Variants in LY75 observed in about 807,000 individuals in gnomAD.
The protein encoded by LY75 is C-type lectin domain family 13 member B.
LY75 carries 185 observed loss-of-function variants against 231.7 expected under a neutral mutation model. The ratio of observed to expected loss-of-function variants is 0.80; its 90% CI spans 0.71 to 0.90. The LOEUF (loss-of-function observed/expected upper bound fraction) is 0.90. Among genes scored for constraint, LY75 ranks in the 40% least tolerant of loss-of-function variants. The pLI, the probability that LY75 is intolerant of heterozygous loss-of-function variation, is 0.00. For synonymous variants in LY75, 668 were observed against 689.0 expected, an observed-to-expected ratio of 0.97 and a Z score of 0.48; for missense variants, 1,947 against 2,050.2, an observed-to-expected ratio of 0.95 and a Z score of 0.97.
At chr2:159,809,055 T>C (rs975427761) in intron 32 of LY75, among the ~76,000 whole-genome samples, 1 of 152,212 alleles carries the variant, frequency 6.6e-6, no homozygotes, top group East Asian at 1.9e-4. Flanking sequence ...ACATATATCT[T>C]ACAACAGTTT....
chr2:159,881,170 A>G lies in LY75; in HGVS notation c.1317T>C (p.Gly439=). 1 of 1,613,940 alleles carries G rather than the reference A, an allele frequency of 6.2e-7. No homozygotes were observed. The highest frequency in any genetic ancestry group is 8.5e-7 in the Non-Finnish European group (1 of 1,179,904). ...CCCAATATGTTAGAGTAACTTCAGT[A>G]CCATCTGACCACTGAAATAAAGTTG... ...NIPTLFQWSD[G]TEVTLTYWDE... is the part of the protein sequence containing the mutation. The change falls in exon 8 of 35, where the codon GGT becomes GGC. Residue 439 remains glycine, a synonymous_variant. Coordinates refer to ENST00000263636, the MANE Select transcript of LY75 (RefSeq NM_002349.4).
Position 159,834,211 on chromosome 2 carries a change from T to A in LY75, c.3674A>T (p.Asn1225Ile), listed in dbSNP as rs749290533. ...TGGTTTGACCTCTTTTTCAGTCTCA[T>A]CTAGAAAAAGAGTTAATGGTAAGAA... ...QPGAICYYSG[N>I]ETEKEVKPVD... The change falls in exon 27 of 35, where the codon AAT becomes ATT. Residue 1225 changes from asparagine (N) to isoleucine (I), a missense_variant and splice_region_variant. Transcript: ENST00000263636. 5.0e-6 allele frequency: 8 copies of A among 1,613,338 alleles called. No homozygotes were observed. The Admixed American group carries it at 1.3e-4, about 27-fold the overall frequency.
In LY75 at chr2:159,860,897, G is replaced by C. The variant is rs1416767161; in HGVS notation, c.2200-8C>G. On this transcript the variant is annotated splice_region_variant and splice_polypyrimidine_tract_variant and intron_variant, in intron 14 of 34. Transcript: ENST00000263636. ...CATGATAATAGTAGACACCTGAAAAGACAAGAGAGGCTTGAGAATTTAAGA... is the reference window on the plus strand; with the variant it reads ...CATGATAATAGTAGACACCTGAAAACACAAGAGAGGCTTGAGAATTTAAGA... 7 of 1,613,828 alleles carry C rather than the reference G, an allele frequency of 4.3e-6. No homozygotes were observed. Among genetic ancestry groups the C allele is most frequent in the African/African-American group, 1.3e-5 (1 of 75,036 alleles).
intron 13 of LY75, among the ~76,000 whole-genome samples, chr2:159,865,839 AT>A (rs1428138350): frequency 6.6e-6 from 1 of 152,158 alleles, no homozygotes; most frequent in East Asian, 1.9e-4. Flanking sequence ...CACAAGCAAT[AT>A]GGAGGCAGGA....
intron 14 of LY75, among the ~76,000 whole-genome samples, chr2:159,863,583 C>T (rs2125862307): frequency 6.6e-6 from 1 of 152,228 alleles, no homozygotes; most frequent in Non-Finnish European, 1.5e-5. Context: ...TGACTGTTGG[C>T]CATCTGTATG....
At chr2:159,842,422 G>C in intron 23 of LY75, 48 bp from the exon 24 acceptor site, 5 of 1,552,630 alleles carry the variant, frequency 3.2e-6, no homozygotes, top group Non-Finnish European at 3.5e-6. Context: ...ACAATGGTCT[G>C]AAGCTCCTAG....
intron 28 of LY75, among the ~76,000 whole-genome samples, chr2:159,821,971 G>C (rs1026946227): frequency 2.6e-5 from 4 of 152,210 alleles, no homozygotes; most frequent in African/African-American, 9.6e-5. Flanking sequence ...GGGAAGCCAT[G>C]AGGGACTGAG....
At position 159,808,385 on chromosome 2, in the gene LY75, G is replaced by C. The variant is rs1009357307; in HGVS notation, c.4822+64C>G. ...CTACTTAACATTCTTTAGCAAGGAC[G>C]ACTTGTTATTTAGGATGAGTTAGAA... is the stretch of plus-strand genomic sequence containing the variant. On this transcript the variant is annotated intron_variant, in intron 33 of 34. Transcript: ENST00000263636. 5 of 1,609,912 alleles carry C rather than the reference G, an allele frequency of 3.1e-6. No individual in the cohort carries two copies. In the African/African-American group the frequency reaches 6.7e-5, roughly 22 times the overall value.
chr2:159,832,278 G>A (rs1683687611), intron 27 of LY75, among the ~76,000 whole-genome samples: 1 of 152,198 alleles, frequency 6.6e-6, no homozygotes, highest in South Asian at 2.1e-4. Context: ...GCAGGCAAGC[G>A]AGCATCACCG....
chr2:159,834,354 G>C, intron 26 of LY75, 143 bp from the exon 27 acceptor site: 1 of 1,063,394 alleles, frequency 9.4e-7, no homozygotes, highest in Non-Finnish European at 1.3e-6. Context: ...TTTATACTCA[G>C]ATATAGCACA....
chr2:159,849,486 A>G (rs1684314782), intron 23 of LY75, among the ~76,000 whole-genome samples: 1 of 152,182 alleles, frequency 6.6e-6, no homozygotes, highest in African/African-American at 2.4e-5. Context: ...CCCAAAATGT[A>G]AAGCAAAACA....
chr2:159,835,736 A>AT (rs1553802650), intron 25 of LY75, 91 bp from the exon 26 acceptor site: 23 of 1,482,568 alleles, frequency 1.6e-5, no homozygotes, highest in Middle Eastern at 1.7e-4. Flanking sequence ...ATGATTTTTA[A>AT]TTTTTTTAAT....
rs1192029116 is a variant in LY75, at chr2:159,818,620, TTTAG to T, written c.4153+1102_4153+1105del. Among the ~76,000 whole-genome samples, 6 of 152,176 alleles carry T rather than the reference TTTAG, an allele frequency of 3.9e-5. No individual in the cohort carries two copies. In the South Asian group the frequency reaches 1.0e-3, roughly 26 times the overall value. On this transcript the variant is annotated intron_variant, in intron 29 of 34. Transcript: ENST00000263636. The stretch of plus-strand genomic sequence containing the variant: ...ACAGAAATTTGAATAATGTGTGGAC[TTTAG>T]TTAAAGATAATAATGGATAAATATT...
chr2:159,898,867 CT>C lies in LY75; in HGVS notation c.286del (p.Arg96GlufsTer30). The C allele has an allele frequency of 6.2e-7, 1 of 1,614,208 alleles. No individual in the cohort carries two copies. Among genetic ancestry groups the C allele is most frequent in the East Asian group, 2.2e-5 (1 of 44,890 alleles). On this transcript the variant is annotated frameshift_variant, in exon 2 of 35. Transcript: ENST00000263636. LOFTEE classifies it high-confidence loss of function. The stretch of plus-strand genomic sequence containing the variant: ...GGCACTGGAGTCACAGCTGAACATT[CT>C]CAGCTCATTTACCGATTTGGTAATA... ...LDITKSVNEL[R>X]MFSCDSSAML... is the part of the protein sequence containing the mutation.
chr2:159,897,696 G>A (rs1685943710), intron 2 of LY75, among the ~76,000 whole-genome samples: 1 of 152,178 alleles, frequency 6.6e-6, no homozygotes, highest in South Asian at 2.1e-4. Context: ...AGGGAAATTT[G>A]TAAAGAAAGG....
intron 28 of LY75, among the ~76,000 whole-genome samples, chr2:159,830,270 A>G (rs1226404763): frequency 6.6e-6 from 1 of 152,154 alleles, no homozygotes; most frequent in African/African-American, 2.4e-5. Flanking sequence ...AGATTTGAGT[A>G]ATTTAGCTTC....
chr2:159,820,766 T>C (rs1044915611), intron 28 of LY75, among the ~76,000 whole-genome samples: 1 of 152,266 alleles, frequency 6.6e-6, no homozygotes, highest in Non-Finnish European at 1.5e-5. Context: ...ACATGATTGA[T>C]AAGTTATAAA....
intron 23 of LY75, among the ~76,000 whole-genome samples, chr2:159,848,093 T>C (rs1486250230): frequency 2.1e-3 from 59 of 28,526 alleles, no homozygotes; most frequent in African/African-American, 4.0e-3. Context: ...TATATATATA[T>C]ACACACACAC....
intron 11 of LY75, among the ~76,000 whole-genome samples, chr2:159,877,169 A>T (rs1685302738): frequency 6.6e-6 from 1 of 152,172 alleles, no homozygotes; most frequent in African/African-American, 2.4e-5. Context: ...TACTAGCAAC[A>T]TCACTCATGT....
Sources: allele counts gnomAD v4.1 joint callset (sites outside exome capture counted in the v4.1 genomes callset), GRCh38; gene constraint gnomAD v4.1.1; transcripts MANE v1.5; gene names NCBI Gene and HGNC (gene_info 2026-07-23, HGNC 2026-07-21).